TTC21B: variants seen among roughly 807,000 people sequenced by gnomAD.
TTC21B encodes the protein tetratricopeptide repeat protein 21B.
TTC21B carries 127 observed loss-of-function variants against 175.1 expected under a neutral mutation model. That is an observed-to-expected ratio of 0.73 (90% CI 0.63 to 0.84). The LOEUF is 0.84. Among genes scored for constraint, TTC21B ranks in the 40% least tolerant of loss-of-function variants. The probability of loss-of-function intolerance (pLI) is 0.00; values close to 1 mark genes in which losing one functional copy is unlikely to be tolerated. For synonymous variants in TTC21B, 524 were observed against 524.5 expected, an observed-to-expected ratio of 1.00 and a Z score of 0.01; for missense variants, 1,561 against 1,558.3, an observed-to-expected ratio of 1.00 and a Z score of -0.03.
intron 27 of TTC21B, among the ~76,000 whole-genome samples, chr2:165,876,619 C>T (rs560853699): frequency 1.3e-5 from 2 of 152,216 alleles, no homozygotes; most frequent in South Asian, 2.1e-4. Flanking sequence ...AGCACTTACA[C>T]AGGCAAACTG....
At chr2:165,942,673 C>T (rs1204772707) in intron 5 of TTC21B, among the ~76,000 whole-genome samples, 1 of 152,144 alleles carries the variant, frequency 6.6e-6, no homozygotes, top group Non-Finnish European at 1.5e-5. Flanking sequence ...AATACTTTCC[C>T]CAGATGCCTG....
At chr2:165,920,231 G>C (rs1269957760) in intron 12 of TTC21B, among the ~76,000 whole-genome samples, 2 of 152,170 alleles carry the variant, frequency 1.3e-5, no homozygotes, top group Admixed American at 6.5e-5. Flanking sequence ...CTTGCTAGGA[G>C]AATGTGGGAA....
intron 20 of TTC21B, 63 bp downstream of exon 20, chr2:165,901,659 C>A: frequency 6.7e-7 from 1 of 1,502,114 alleles, no homozygotes; most frequent in Non-Finnish European, 9.3e-7. Context: ...AAAAATTTTA[C>A]ATCTGAGGAA....
At chr2:165,903,812 T>C (rs781695491) in intron 19 of TTC21B, among the ~76,000 whole-genome samples, 6 of 152,214 alleles carry the variant, frequency 3.9e-5, no homozygotes, top group African/African-American at 7.2e-5. Context: ...CAATAAATGG[T>C]TGCTGAATAA....
chr2:165,917,123 T>C, intron 14 of TTC21B, 134 bp downstream of exon 14: 2 of 784,230 alleles, frequency 2.6e-6, no homozygotes, highest in South Asian at 3.0e-5. Flanking sequence ...AGATGATCCA[T>C]CTGCCTCGGC....
intron 5 of TTC21B, 129 bp from the exon 6 acceptor site, chr2:165,941,313 G>A: frequency 9.6e-7 from 1 of 1,038,672 alleles, no homozygotes; most frequent in Non-Finnish European, 1.4e-6. Flanking sequence ...CACTTTTTAA[G>A]TTTTTGTCAA....
At chr2:165,909,081 A>T (rs1002118617) in intron 18 of TTC21B, among the ~76,000 whole-genome samples, 3 of 152,168 alleles carry the variant, frequency 2.0e-5, no homozygotes, top group African/African-American at 7.2e-5. Flanking sequence ...AAAAGAAAAG[A>T]AACATACACA....
intron 5 of TTC21B, 110 bp downstream of exon 5, chr2:165,943,109 A>T: frequency 1.9e-6 from 2 of 1,057,752 alleles, no homozygotes; most frequent in Non-Finnish European, 1.4e-6. Context: ...TGAGCTGACA[A>T]CAGTATCATG....
chr2:165,921,593 G>A (rs1255666275), intron 12 of TTC21B, among the ~76,000 whole-genome samples: 1 of 152,146 alleles, frequency 6.6e-6, no homozygotes, highest in African/African-American at 2.4e-5. Flanking sequence ...AGCACAGGAG[G>A]CTCTAGGAGT....
At chr2:165,917,887 G>A (rs1686236842) in intron 13 of TTC21B, among the ~76,000 whole-genome samples, 1 of 151,906 alleles carries the variant, frequency 6.6e-6, no homozygotes, top group South Asian at 2.1e-4. Flanking sequence ...TTTTTAATTT[G>A]AAGATTAAAA....
intron 8 of TTC21B, among the ~76,000 whole-genome samples, chr2:165,930,755 G>C (rs1201535788): frequency 6.6e-6 from 1 of 150,980 alleles, no homozygotes; most frequent in African/African-American, 2.4e-5. Context: ...GTGTGTGTGT[G>C]TGTGTGTGTG....
chr2:165,948,192 A>G (rs138731642), intron 3 of TTC21B: 80 of 152,288 alleles, frequency 5.3e-4, no homozygotes, highest in African/African-American at 1.9e-3. Context: ...AAGTTCCAAA[A>G]TTTCAAAAGC....
At chr2:165,953,659 A>G (rs767554688) in intron 1 of TTC21B, 26 bp downstream of exon 1, 1 of 1,384,340 alleles carries the variant, frequency 7.2e-7, no homozygotes. Context: ...CCGCCCGCTC[A>G]CCCGCTCACC....
At chr2:165,884,902 G>A (rs545787300) in intron 25 of TTC21B, among the ~76,000 whole-genome samples, 1 of 152,252 alleles carries the variant, frequency 6.6e-6, no homozygotes, top group East Asian at 1.9e-4. Flanking sequence ...ACAAATAAAG[G>A]GGCCAGGAGG....
intron 3 of TTC21B, 38 bp downstream of exon 3, chr2:165,949,356 G>A (rs770751062): frequency 6.9e-7 from 1 of 1,448,804 alleles, no homozygotes; most frequent in Non-Finnish European, 9.7e-7. Flanking sequence ...AAACTGAATA[G>A]GAAAAAATGT....
intron 3 of TTC21B, chr2:165,949,048 T>A: frequency 3.5e-6 from 1 of 282,706 alleles, no homozygotes; most frequent in Non-Finnish European, 6.7e-6. Context: ...ACAAAAGTTG[T>A]AAACTTGGCT....
intron 6 of TTC21B, among the ~76,000 whole-genome samples, chr2:165,940,243 A>T (rs1687317001): frequency 6.6e-6 from 1 of 152,168 alleles, no homozygotes; most frequent in Non-Finnish European, 1.5e-5. Flanking sequence ...CAGCTTTCAA[A>T]AGGTTCTCCC....
rs749946559 is a variant in TTC21B at position 165,915,442 on chromosome 2, G to A, written c.1900-3C>T. On this transcript the variant is annotated splice_region_variant and splice_polypyrimidine_tract_variant and intron_variant, in intron 14 of 28. Transcript: ENST00000243344. ...TGTAAAACTTTGGTTGCCTCATGCT[G>A]TAAAGATGAAATTAAAATAATCATT... 1 of 1,606,136 alleles carries A rather than the reference G, an allele frequency of 6.2e-7. No individual in the cohort carries two copies. Among genetic ancestry groups the A allele is most frequent in the Non-Finnish European group, 8.5e-7 (1 of 1,172,746 alleles).
chr2:165,874,507 T>C lies in TTC21B; in HGVS notation c.*248A>G. ...TCTTTATAGAAATAATTATAGTCTT[T>C]ACCACAGAGTCACCAAATCTGTACC... On this transcript the variant is annotated 3_prime_UTR_variant, in exon 29 of 29. Transcript: ENST00000243344. 2.4e-6 allele frequency: 1 copy of C among 413,320 alleles called. No homozygotes were observed. Among genetic ancestry groups the C allele is most frequent in the East Asian group, 4.3e-5 (1 of 23,368 alleles). The allele number at this position is 413,320 out of a possible 1,614,324, so 25.6% of individuals were successfully genotyped here.
Sources: allele counts gnomAD v4.1 joint callset (sites outside exome capture counted in the v4.1 genomes callset), GRCh38; gene constraint gnomAD v4.1.1; transcripts MANE v1.5; gene names NCBI Gene and HGNC (gene_info 2026-07-23, HGNC 2026-07-21).